PRKAR1B: variants seen among roughly 807,000 people sequenced by gnomAD.
PRKAR1B encodes protein kinase cAMP-dependent type I regulatory subunit beta.
A neutral mutation model predicts 46.5 loss-of-function variants in PRKAR1B; 22 were observed. The ratio of observed to expected loss-of-function variants is 0.47; its 90% CI spans 0.34 to 0.68. The LOEUF (loss-of-function observed/expected upper bound fraction) is 0.68, where lower values mean the gene tolerates loss of function less well. Ranked by LOEUF, PRKAR1B falls within the 30% of genes least tolerant of loss-of-function variation. The probability of loss-of-function intolerance (pLI) is 0.01; values close to 1 mark genes in which losing one functional copy is unlikely to be tolerated. For synonymous variants in PRKAR1B, 259 were observed against 217.7 expected (o/e 1.19, Z -1.67); for missense variants, 445 against 535.6 (o/e 0.83, Z 1.67).
At chr7:647,961 C>T (rs1378863108) in intron 4 of PRKAR1B, among the ~76,000 whole-genome samples, 3 of 151,402 alleles carry the variant, frequency 2.0e-5, no homozygotes, top group Non-Finnish European at 4.4e-5. Context: ...GCTCGAGCAA[C>T]ACATCAAGAC....
chr7:673,322 TTAAATTCAAGTTAAAA>T (rs1394673593), intron 4 of PRKAR1B, among the ~76,000 whole-genome samples: 1 of 152,114 alleles, frequency 6.6e-6, no homozygotes, highest in African/African-American at 2.4e-5. Context: ...AAATTGATGT[TTAAATTCAAGTTAAAA>T]TAAATTCAAG....
chr7:613,494 C>T (rs943045356), intron 4 of PRKAR1B, among the ~76,000 whole-genome samples: 8 of 152,278 alleles, frequency 5.3e-5, no homozygotes, highest in African/African-American at 7.2e-5. Context: ...AGGAAGCGTA[C>T]GGGATCAGAA....
At position 607,439 on chromosome 7, in the gene PRKAR1B, C is replaced by A. The variant is rs1197990666; in HGVS notation, c.454G>T (p.Ala152Ser). 5.6e-6 allele frequency: 9 copies of A among 1,613,972 alleles called. No individual in the cohort carries two copies. The highest frequency in any genetic ancestry group is 7.6e-6 in the Non-Finnish European group (9 of 1,179,856). The change falls in exon 5 of 11, where the codon GCC becomes TCC. Residue 152 changes from alanine (A) to serine (S), a missense_variant. Coordinates refer to ENST00000537384, the MANE Select transcript of PRKAR1B (RefSeq NM_001164760.2). ...GCGATGTGAGTGACAGGGAACATGGCATCGAATATGTCACTGAAAAGCAAA... is the reference window on the plus strand; with the variant it reads ...GCGATGTGAGTGACAGGGAACATGGAATCGAATATGTCACTGAAAAGCAAA... ...DDNERSDIFD[A>S]MFPVTHIAGE...
chr7:715,883 T>C (rs1380201612), intron 1 of PRKAR1B, among the ~76,000 whole-genome samples: 1 of 151,654 alleles, frequency 6.6e-6, no homozygotes, highest in Non-Finnish European at 1.5e-5. Context: ...GCCCGGCTAA[T>C]TTTTTGTATT....
chr7:725,924 G>C (rs1156503910), intron 1 of PRKAR1B, among the ~76,000 whole-genome samples: 3 of 152,124 alleles, frequency 2.0e-5, no homozygotes, highest in Admixed American at 2.0e-4. Context: ...AATCAACTTT[G>C]ACTCTCCATG....
At chr7:651,326 C>A (rs1784892283) in intron 4 of PRKAR1B, among the ~76,000 whole-genome samples, 2 of 152,218 alleles carry the variant, frequency 1.3e-5, no homozygotes. Context: ...TGTTGACTGA[C>A]AAAGCCAGCC....
intron 9 of PRKAR1B, among the ~76,000 whole-genome samples, chr7:567,703 A>G (rs1267858590): frequency 6.6e-6 from 1 of 152,246 alleles, no homozygotes; most frequent in Non-Finnish European, 1.5e-5. Context: ...AAAAGGAAGG[A>G]CATTCTGACA....
At chr7:564,168 T>A (rs894934014) in intron 9 of PRKAR1B, among the ~76,000 whole-genome samples, 1 of 152,016 alleles carries the variant, frequency 6.6e-6, no homozygotes, top group Non-Finnish European at 1.5e-5. Context: ...CTCAGCCCAG[T>A]GGGCCCCTCC....
chr7:662,194 C>G (rs182986752), intron 4 of PRKAR1B, among the ~76,000 whole-genome samples: 6 of 100,658 alleles, frequency 6.0e-5, no homozygotes, highest in South Asian at 5.0e-4. Flanking sequence ...TACTCTCCCC[C>G]CCATGGCACA....
chr7:673,045 T>TAAAAAAACA (rs1786354908), intron 4 of PRKAR1B, among the ~76,000 whole-genome samples: 1 of 26,544 alleles, frequency 3.8e-5, no homozygotes, highest in Non-Finnish European at 6.2e-5. Flanking sequence ...GCCTTGTCTT[T>TAAAAAAACA]AAAAAAAAAA....
chr7:612,445 T>G (rs1782574902), intron 4 of PRKAR1B, among the ~76,000 whole-genome samples: 2 of 146,198 alleles, frequency 1.4e-5, no homozygotes, highest in Non-Finnish European at 3.0e-5. Context: ...TGAGTAGATT[T>G]GAGTAGATTA....
intron 2 of PRKAR1B, among the ~76,000 whole-genome samples, chr7:694,909 A>C (rs999544153): frequency 6.6e-6 from 1 of 151,708 alleles, no homozygotes; most frequent in Non-Finnish European, 1.5e-5. Flanking sequence ...GGTGGTGGGC[A>C]CCTGTCATCC....
intron 9 of PRKAR1B, among the ~76,000 whole-genome samples, chr7:554,371 G>C (rs1464364673): frequency 6.6e-6 from 1 of 152,256 alleles, no homozygotes; most frequent in Non-Finnish European, 1.5e-5. Flanking sequence ...AGACGTCATC[G>C]ATGCTCCCTT....
At chr7:594,417 G>A (rs780613327) in intron 7 of PRKAR1B, among the ~76,000 whole-genome samples, 164 of 152,274 alleles carry the variant, frequency 1.1e-3, no homozygotes, top group Middle Eastern at 3.4e-3. Flanking sequence ...GACGCTGTCC[G>A]GGGCTGCATT....
At chr7:680,790 C>A in intron 2 of PRKAR1B, 64 bp from the exon 3 acceptor site, 1 of 1,577,540 alleles carries the variant, frequency 6.3e-7, no homozygotes, top group Non-Finnish European at 8.7e-7. Context: ...AGGCACAGGG[C>A]CCATGCCTGT....
At chr7:580,744 CAAA>C (rs754143077) in intron 8 of PRKAR1B, among the ~76,000 whole-genome samples, 15,778 of 117,376 alleles carry the variant, frequency 0.13, 1,726 homozygotes, top group African/African-American at 0.34. Context: ...TCTTTTTTGA[CAAA>C]AAAAAAAAAA....
chr7:595,824 C>T (rs1781241658), intron 7 of PRKAR1B, among the ~76,000 whole-genome samples: 1 of 152,200 alleles, frequency 6.6e-6, no homozygotes, highest in African/African-American at 2.4e-5. Flanking sequence ...CTCTTTGCTC[C>T]ATCACCATGG....
chr7:727,294 G>C, upstream of PRKAR1B: 2 of 1,297,534 alleles, frequency 1.5e-6, no homozygotes, highest in Non-Finnish European at 1.9e-6. Context: ...CTGCGCCGCC[G>C]CCCTGGCGCA....
intron 7 of PRKAR1B, among the ~76,000 whole-genome samples, chr7:592,670 C>T: frequency 6.6e-6 from 1 of 152,252 alleles, no homozygotes; most frequent in Middle Eastern, 3.2e-3. Context: ...ACATCCATTG[C>T]TTCCAAACGC....
Sources: allele counts gnomAD v4.1 joint callset (sites outside exome capture counted in the v4.1 genomes callset), GRCh38; gene constraint gnomAD v4.1.1; transcripts MANE v1.5; gene names NCBI Gene and HGNC (gene_info 2026-07-23, HGNC 2026-07-21).